TNRC6B: variants seen among roughly 807,000 people sequenced by gnomAD.
TNRC6B encodes the protein trinucleotide repeat containing adaptor 6B.
Under a neutral mutation model 203.6 loss-of-function variants are expected in TNRC6B, and 52 were observed. The ratio of observed to expected loss-of-function variants is 0.26; its 90% CI spans 0.20 to 0.32. TNRC6B has a LOEUF of 0.32. Ranked by LOEUF, TNRC6B falls within the 10% of genes least tolerant of loss-of-function variation. TNRC6B has a pLI of 1.00. For synonymous variants in TNRC6B, 838 were observed against 845.7 expected (o/e 0.99, Z 0.16); for missense variants, 1,923 against 2,286.2 (o/e 0.84, Z 3.24).
chr22:40,236,214 A>G (rs1228939793), intron 1 of TNRC6B, among the ~76,000 whole-genome samples: 1 of 152,206 alleles, frequency 6.6e-6, no homozygotes, highest in Admixed American at 6.5e-5. Flanking sequence ...AATACAGGAC[A>G]GTTCTGTCAC....
At chr22:40,183,733 C>T (rs1171221102) in intron 1 of TNRC6B, among the ~76,000 whole-genome samples, 2 of 151,424 alleles carry the variant, frequency 1.3e-5, no homozygotes, top group Admixed American at 6.6e-5. Context: ...GTCACTCTGT[C>T]GCCCGGGCTG....
chr22:40,103,116 A>C (rs759342651), intron 1 of TNRC6B, among the ~76,000 whole-genome samples: 1 of 151,784 alleles, frequency 6.6e-6, no homozygotes, highest in Non-Finnish European at 1.5e-5. Flanking sequence ...TTAATTAATT[A>C]ATTTAGCTGG....
At chr22:40,213,669 G>A (rs2069594241) in intron 1 of TNRC6B, among the ~76,000 whole-genome samples, 2 of 152,178 alleles carry the variant, frequency 1.3e-5, no homozygotes, top group Non-Finnish European at 1.5e-5. Flanking sequence ...GCATCCCGTG[G>A]TGCAGTGGTT....
chr22:40,315,470 C>T lies in TNRC6B; in HGVS notation c.4866C>T (p.Val1622=). 1 of 1,613,994 alleles carries T rather than the reference C, an allele frequency of 6.2e-7. No homozygotes were observed. Among genetic ancestry groups the T allele is most frequent in the African/African-American group, 1.3e-5 (1 of 75,044 alleles). ...GGAGCAGCACAGCACCCCGATCAGT[C>T]AGGGGGTGGGGGACACAGGACTCAC... ...SPWSSTAPRS[V]RGWGTQDSRL... is the part of the protein sequence containing the mutation. The change falls in exon 20 of 23, where the codon GTC becomes GTT. Residue 1622 remains valine, a synonymous_variant. Transcript: ENST00000454349.
intron 12 of TNRC6B, among the ~76,000 whole-genome samples, chr22:40,292,457 A>G (rs992844142): frequency 6.6e-6 from 1 of 152,176 alleles, no homozygotes; most frequent in African/African-American, 2.4e-5. Flanking sequence ...ACTCAAATAC[A>G]ATATTGAGAA....
intron 1 of TNRC6B, among the ~76,000 whole-genome samples, chr22:40,189,386 G>A (rs775228447): frequency 6.6e-6 from 1 of 151,314 alleles, no homozygotes; most frequent in African/African-American, 2.4e-5. Context: ...CAGGTTTCAC[G>A]AAGGCACATC....
chr22:40,111,873 C>T (rs1227699087), intron 1 of TNRC6B, among the ~76,000 whole-genome samples: 4 of 152,110 alleles, frequency 2.6e-5, no homozygotes, highest in African/African-American at 7.2e-5. Flanking sequence ...GAGGCCGAGG[C>T]GGGTGGATCA....
At chr22:40,314,020 T>C (rs1037102663) in intron 19 of TNRC6B, among the ~76,000 whole-genome samples, 1 of 151,664 alleles carries the variant, frequency 6.6e-6, no homozygotes, top group Non-Finnish European at 1.5e-5. Flanking sequence ...TTTTGTAGGA[T>C]TTCTTTTACA....
intron 3 of TNRC6B, among the ~76,000 whole-genome samples, chr22:40,258,534 C>T (rs2070320843): frequency 6.6e-6 from 1 of 152,170 alleles, no homozygotes; most frequent in Admixed American, 6.5e-5. Context: ...TGCTGAAACA[C>T]AGTTTGCTAT....
At chr22:40,184,748 G>T (rs1379989184) in intron 1 of TNRC6B, among the ~76,000 whole-genome samples, 2 of 152,110 alleles carry the variant, frequency 1.3e-5, no homozygotes, top group Non-Finnish European at 2.9e-5. Flanking sequence ...TTGGTCATTG[G>T]GTATGAGAAG....
At chr22:40,104,846 G>T (rs1479348168) in intron 1 of TNRC6B, among the ~76,000 whole-genome samples, 2 of 152,100 alleles carry the variant, frequency 1.3e-5, no homozygotes, top group African/African-American at 4.8e-5. Context: ...AGACGAGAAG[G>T]CCGCAAAACT....
chr22:40,148,445 A>T (rs191352079), intron 3 of TNRC6B, among the ~76,000 whole-genome samples: 1 of 151,868 alleles, frequency 6.6e-6, no homozygotes, highest in African/African-American at 2.4e-5. Context: ...CACCACGCCC[A>T]GCTAATTTTT....
Position 40,323,310 on chromosome 22 carries a change from G to GTTT in TNRC6B, c.*77_*79dup. 1 of 1,293,148 alleles carries GTTT rather than the reference G, an allele frequency of 7.7e-7. No individual in the cohort carries two copies. The highest frequency in any genetic ancestry group is 1.0e-6 in the Non-Finnish European group (1 of 979,834). 80.1% of individuals were successfully genotyped at this position (1,293,148 alleles called of 1,614,324 possible). On this transcript the variant is annotated 3_prime_UTR_variant, in exon 23 of 23. Transcript: ENST00000454349. ...GCAGCAGCACTAACTTGACCTTTTC[G>GTTT]TTTTTTTTTTCAACTTGCAATAAAT...
intron 20 of TNRC6B, 30 bp from the exon 21 acceptor site, chr22:40,315,912 C>T (rs1437931348): frequency 6.3e-7 from 1 of 1,580,384 alleles, no homozygotes; most frequent in Non-Finnish European, 8.7e-7. Flanking sequence ...TTTTATTTCT[C>T]TTCCTAACCA....
intron 15 of TNRC6B, among the ~76,000 whole-genome samples, chr22:40,306,672 C>T (rs2071090833): frequency 6.6e-6 from 1 of 152,090 alleles, no homozygotes; most frequent in South Asian, 2.1e-4. Flanking sequence ...AAAAATGCCT[C>T]AAACTCTTCT....
At chr22:40,201,990 A>G (rs1323158980) in intron 1 of TNRC6B, among the ~76,000 whole-genome samples, 1 of 152,168 alleles carries the variant, frequency 6.6e-6, no homozygotes, top group Non-Finnish European at 1.5e-5. Flanking sequence ...ATTTTAGAAT[A>G]GTTAGGCGAG....
intron 2 of TNRC6B, among the ~76,000 whole-genome samples, chr22:40,249,393 CA>C (rs1335838472): frequency 6.6e-6 from 1 of 152,204 alleles, no homozygotes; most frequent in Non-Finnish European, 1.5e-5. Flanking sequence ...TTCCAGTGTT[CA>C]TTGGTTGTAG....
intron 1 of TNRC6B, among the ~76,000 whole-genome samples, chr22:40,221,756 C>T (rs1569026534): frequency 1.6e-5 from 2 of 123,634 alleles, no homozygotes; most frequent in African/African-American, 2.6e-5. Flanking sequence ...TTATTGCCCC[C>T]CCCCCTTTTT....
intron 4 of TNRC6B, among the ~76,000 whole-genome samples, chr22:40,171,269 C>G (rs1279322571): frequency 6.7e-6 from 1 of 148,496 alleles, no homozygotes; most frequent in Non-Finnish European, 1.5e-5. Context: ...TCAAGCGATT[C>G]TCCTGCCTCA....
Sources: allele counts gnomAD v4.1 joint callset (sites outside exome capture counted in the v4.1 genomes callset), GRCh38; gene constraint gnomAD v4.1.1; transcripts MANE v1.5; gene names NCBI Gene and HGNC (gene_info 2026-07-23, HGNC 2026-07-21).